Variants in KCNIP1 observed in about 807,000 individuals in gnomAD.
KCNIP1 encodes the protein A-type potassium channel modulatory protein KCNIP1.
A neutral mutation model predicts 33.0 loss-of-function variants in KCNIP1; 18 were observed. That is an observed-to-expected ratio of 0.55 (90% CI 0.38 to 0.81). KCNIP1 has a LOEUF of 0.81. KCNIP1 is among the 30% of genes least tolerant of loss of function. The probability of loss-of-function intolerance (pLI) is 0.00; values close to 1 mark genes in which losing one functional copy is unlikely to be tolerated. For synonymous variants in KCNIP1, 93 were observed against 98.3 expected, an observed-to-expected ratio of 0.95 and a Z score of 0.32; for missense variants, 238 against 271.6, an observed-to-expected ratio of 0.88 and a Z score of 0.87.
chr5:170,410,394 T>C (rs1410645621), intron 1 of KCNIP1, among the ~76,000 whole-genome samples: 1 of 152,094 alleles, frequency 6.6e-6, no homozygotes, highest in Non-Finnish European at 1.5e-5. Flanking sequence ...ATGCAGGGTA[T>C]TGCAGACACA....
intron 1 of KCNIP1, among the ~76,000 whole-genome samples, chr5:170,402,759 T>A (rs1754940877): frequency 6.6e-6 from 1 of 152,148 alleles, no homozygotes; most frequent in Non-Finnish European, 1.5e-5. Flanking sequence ...AGTATCACAC[T>A]CTTGGGATGG....
At position 170,402,426 on chromosome 5, in the gene KCNIP1, C is replaced by T. The variant is rs370838914; in HGVS notation, c.88+48462C>T. ...ATACAATAACAGGGCATTTCTAACT[C>T]GTGGGAAGTCCAATATGGATGTTCC... On this transcript the variant is annotated intron_variant, in intron 1 of 7. Coordinates refer to the KCNIP1 transcript ENST00000377360. Among the ~76,000 whole-genome samples the T allele has an allele frequency of 1.6e-4, 25 of 152,146 alleles. No homozygotes were observed. In the South Asian group the frequency reaches 4.2e-3, roughly 25 times the overall value.
intron 1 of KCNIP1, among the ~76,000 whole-genome samples, chr5:170,415,581 G>A (rs1018429031): frequency 2.0e-5 from 3 of 152,116 alleles, no homozygotes; most frequent in African/African-American, 7.2e-5. Flanking sequence ...CATCAAGTCT[G>A]CAACAAGTCT....
chr5:170,633,928 G>A (rs1050512372), intron 1 of KCNIP1, among the ~76,000 whole-genome samples: 1 of 152,186 alleles, frequency 6.6e-6, no homozygotes, highest in Non-Finnish European at 1.5e-5. Context: ...GCCAAGGGCA[G>A]AGTGTGAAAA....
chr5:170,701,923 T>C (rs545943448), intron 1 of KCNIP1, among the ~76,000 whole-genome samples: 98 of 152,232 alleles, frequency 6.4e-4, no homozygotes, highest in Non-Finnish European at 1.3e-3. Flanking sequence ...CCTCTCTCAC[T>C]GATGCTCAAG....
chr5:170,671,627 C>A (rs1761928234), intron 1 of KCNIP1, among the ~76,000 whole-genome samples: 1 of 152,164 alleles, frequency 6.6e-6, no homozygotes, highest in Non-Finnish European at 1.5e-5. Flanking sequence ...TCTGTCTCCC[C>A]CAGTATGCCA....
chr5:170,606,028 G>A (rs775414393), intron 1 of KCNIP1, among the ~76,000 whole-genome samples: 2 of 152,122 alleles, frequency 1.3e-5, no homozygotes, highest in African/African-American at 2.4e-5. Flanking sequence ...GCCCACCTCG[G>A]CCTCTCAAAG....
intron 1 of KCNIP1, among the ~76,000 whole-genome samples, chr5:170,458,742 C>T (rs562502769): frequency 1.8e-4 from 28 of 152,150 alleles, no homozygotes; most frequent in Non-Finnish European, 3.2e-4. Context: ...CAAAACAGAA[C>T]GTCTTTAAGG....
At chr5:170,663,762 G>A (rs910069877) in intron 1 of KCNIP1, among the ~76,000 whole-genome samples, 5 of 151,928 alleles carry the variant, frequency 3.3e-5, no homozygotes, top group Admixed American at 1.3e-4. Flanking sequence ...CTGAGAGTCT[G>A]CACCGAAATC....
intron 1 of KCNIP1, among the ~76,000 whole-genome samples, chr5:170,691,216 G>A (rs1453655176): frequency 1.3e-5 from 2 of 152,206 alleles, no homozygotes; most frequent in African/African-American, 4.8e-5. Flanking sequence ...AGAGCCAGCA[G>A]CAAACACAAA....
At chr5:170,424,639 G>A (rs1504925) in intron 1 of KCNIP1, among the ~76,000 whole-genome samples, 7,291 of 152,164 alleles carry the variant, frequency 0.048, 599 homozygotes, top group African/African-American at 0.16. Flanking sequence ...AATCCCCATC[G>A]TCTCTCCCCT....
chr5:170,406,227 G>C (rs1285283983), intron 1 of KCNIP1, among the ~76,000 whole-genome samples: 2 of 152,202 alleles, frequency 1.3e-5, no homozygotes, highest in Non-Finnish European at 2.9e-5. Context: ...GAGAGAGATT[G>C]GGGGTACGTT....
At chr5:170,462,264 C>CAAAAAA (rs760686464) in intron 1 of KCNIP1, among the ~76,000 whole-genome samples, 2 of 52,032 alleles carry the variant, frequency 3.8e-5, no homozygotes, top group African/African-American at 1.6e-4. Flanking sequence ...AACAAATTAG[C>CAAAAAA]AAAAAAAAAA....
intron 1 of KCNIP1, among the ~76,000 whole-genome samples, chr5:170,518,759 C>A (rs973756004): frequency 6.6e-6 from 1 of 152,190 alleles, no homozygotes; most frequent in African/African-American, 2.4e-5. Flanking sequence ...ACCACTTTGC[C>A]CTCAGAGGTA....
At chr5:170,405,883 T>G (rs1755026979) in intron 1 of KCNIP1, among the ~76,000 whole-genome samples, 2 of 152,178 alleles carry the variant, frequency 1.3e-5, no homozygotes, top group Admixed American at 6.5e-5. Context: ...TGCTCAATCA[T>G]GTTTCCATGT....
At chr5:170,521,442 G>T (rs1441721403) in intron 1 of KCNIP1, among the ~76,000 whole-genome samples, 1 of 152,224 alleles carries the variant, frequency 6.6e-6, no homozygotes, top group Non-Finnish European at 1.5e-5. Flanking sequence ...TTGTGTATAT[G>T]TGTGTTTAAA....
intron 1 of KCNIP1, among the ~76,000 whole-genome samples, chr5:170,636,867 G>C (rs930173626): frequency 1.3e-5 from 2 of 152,104 alleles, no homozygotes; most frequent in Non-Finnish European, 2.9e-5. Flanking sequence ...ATTTGCAGAT[G>C]GATAAGCAGA....
chr5:170,418,308 G>A (rs1251211541), intron 1 of KCNIP1, among the ~76,000 whole-genome samples: 1 of 152,184 alleles, frequency 6.6e-6, no homozygotes, highest in Non-Finnish European at 1.5e-5. Context: ...GCATGCACCT[G>A]TAATCCCAGC....
At chr5:170,548,949 TG>T (rs1447759620) in intron 1 of KCNIP1, among the ~76,000 whole-genome samples, 9 of 152,202 alleles carry the variant, frequency 5.9e-5, no homozygotes, top group African/African-American at 2.2e-4. Flanking sequence ...GGGAGAACCC[TG>T]ATGCTGGTAC....
Sources: gnomAD v4.1 joint callset for allele counts (sites outside exome capture counted in the v4.1 genomes callset) on GRCh38, gnomAD v4.1.1 for gene constraint, MANE v1.5 for transcripts, NCBI Gene and HGNC (gene_info 2026-07-23, HGNC 2026-07-21) for gene names.